Variants in DENND2B observed in about 807,000 individuals in gnomAD.
DENND2B encodes the protein DENN domain-containing protein 2B.
In DENND2B, 32 loss-of-function variants were observed where a neutral mutation model predicts 116.0. The ratio of observed to expected loss-of-function variants is 0.28; its 90% CI spans 0.21 to 0.37. The LOEUF (loss-of-function observed/expected upper bound fraction) is 0.37, where lower values mean the gene tolerates loss of function less well. DENND2B is among the 10% of genes least tolerant of loss of function. The probability of loss-of-function intolerance (pLI) is 1.00; values close to 1 mark genes in which losing one functional copy is unlikely to be tolerated. For missense variants in DENND2B, 1,276 were observed against 1,477.7 expected (o/e 0.86, Z 2.24); for synonymous variants, 588 against 583.9 (o/e 1.01, Z -0.10).
chr11:8,787,727 C>A (rs907182395), intron 1 of DENND2B, among the ~76,000 whole-genome samples: 1 of 152,200 alleles, frequency 6.6e-6, no homozygotes, highest in Non-Finnish European at 1.5e-5. Context: ...GCCAGGTAGG[C>A]CTTCTTTTCT....
chr11:8,721,695 T>C (rs1190675809), intron 4 of DENND2B, among the ~76,000 whole-genome samples: 2 of 152,228 alleles, frequency 1.3e-5, no homozygotes, highest in Non-Finnish European at 2.9e-5. Context: ...GCACCTTCCC[T>C]GGGCTGCACC....
intron 1 of DENND2B, among the ~76,000 whole-genome samples, chr11:8,796,217 T>C (rs2059799569): frequency 1.3e-5 from 2 of 152,128 alleles, no homozygotes; most frequent in Non-Finnish European, 2.9e-5. Flanking sequence ...TCACTACTGA[T>C]AGAATCCAAA....
At chr11:8,886,969 C>T (rs778137452) in intron 1 of DENND2B, among the ~76,000 whole-genome samples, 14 of 152,110 alleles carry the variant, frequency 9.2e-5, no homozygotes, top group Non-Finnish European at 1.5e-4. Flanking sequence ...GCTGGGACTA[C>T]AGGCATGTGC....
chr11:8,699,754 G>A (rs746547678), intron 14 of DENND2B: 11 of 433,114 alleles, frequency 2.5e-5, no homozygotes, highest in Non-Finnish European at 5.0e-5. Flanking sequence ...AATGCAGATC[G>A]TGGGTACCCT....
At chr11:8,807,184 G>A (rs182217282) in intron 1 of DENND2B, among the ~76,000 whole-genome samples, 8 of 152,310 alleles carry the variant, frequency 5.3e-5, no homozygotes, top group Admixed American at 3.9e-4. Context: ...TAGGCCCAAC[G>A]ATGGAAATGG....
chr11:8,811,149 C>G, upstream of DENND2B: 1 of 396,392 alleles, frequency 2.5e-6, no homozygotes, highest in Non-Finnish European at 4.4e-6. Context: ...GATGCGCTGC[C>G]TTGACTTGTT....
chr11:8,804,149 T>A (rs1354654425), intron 1 of DENND2B, among the ~76,000 whole-genome samples: 1 of 152,182 alleles, frequency 6.6e-6, no homozygotes, highest in Non-Finnish European at 1.5e-5. Flanking sequence ...GCCTCTCCAG[T>A]GTGGGCGGCT....
At chr11:8,701,323 T>C (rs867767389) in intron 14 of DENND2B, among the ~76,000 whole-genome samples, 5 of 93,744 alleles carry the variant, frequency 5.3e-5, no homozygotes, top group African/African-American at 1.7e-4. Context: ...ATTAAAAGGC[T>C]AGGATGGGAA....
At chr11:8,700,111 G>C (rs1203564872) in intron 14 of DENND2B, 4 of 415,098 alleles carry the variant, frequency 9.6e-6, no homozygotes, top group African/African-American at 8.3e-5. Flanking sequence ...TGAATTAGAG[G>C]GTAGAACCTT....
Position 8,693,822 on chromosome 11 carries a change from A to G in DENND2B, c.*274T>C, listed in dbSNP as rs1209172976. ...ACGAGCACCCAGCGAAACTTCATCC[A>G]TGCTCTGGCAGGACAGGAAAGCACC... On this transcript the variant is annotated 3_prime_UTR_variant, in exon 20 of 20. Coordinates refer to ENST00000313726, the MANE Select transcript of DENND2B (RefSeq NM_213618.2). The G allele has an allele frequency of 2.8e-6, 1 of 356,456 alleles. No homozygotes were observed. Among genetic ancestry groups the G allele is most frequent in the Non-Finnish European group, 5.1e-6 (1 of 196,172 alleles). 22.1% of individuals were successfully genotyped at this position (356,456 alleles called of 1,614,324 possible).
At chr11:8,855,219 A>T (rs191245602) in intron 3 of DENND2B, among the ~76,000 whole-genome samples, 9 of 151,866 alleles carry the variant, frequency 5.9e-5, no homozygotes, top group Non-Finnish European at 1.2e-4. Context: ...GAGAAGAGAG[A>T]AAAGAAAAGA....
In DENND2B at chr11:8,867,573, C is replaced by CTTTTTTTT. The variant is rs33990941; in HGVS notation, c.-250+3373_-250+3380dup. 3.6e-4 allele frequency among the ~76,000 whole-genome samples: 32 copies of CTTTTTTTT among 89,246 alleles called. 1 individual carries two copies. The highest frequency in any genetic ancestry group is 7.5e-4 in the East Asian group (2 of 2,662). 58.5% of individuals were successfully genotyped at this position (89,246 alleles called of 152,430 possible). ...ACTAGTACCAAGTTTTAAAATTCAGCTTTTTTTTTTTTTTTTTTTTTTTGA... is the reference window on the plus strand; with the variant it reads ...ACTAGTACCAAGTTTTAAAATTCAGCTTTTTTTTTTTTTTTTTTTTTTTTTTTTTTTGA... On this transcript the variant is annotated intron_variant, in intron 2 of 6. Transcript: ENST00000524757.
chr11:8,713,853 C>T (rs2044230128), intron 8 of DENND2B, 145 bp downstream of exon 8: 2 of 824,208 alleles, frequency 2.4e-6, no homozygotes, highest in Non-Finnish European at 4.0e-6. Flanking sequence ...GCTCCCTGCT[C>T]TATTGTTCTG....
rs142482225 is a variant in DENND2B, at chr11:8,878,910, A to C, written c.-156+2100T>G. Reference sequence around the variant, plus strand: ...AGAAAGAAATGGGAGGTAACTGCTTAGTGGGTATGGGAGCTCCTTGAGAGT... The same window carrying C: ...AGAAAGAAATGGGAGGTAACTGCTTCGTGGGTATGGGAGCTCCTTGAGAGT... On this transcript the variant is annotated intron_variant, in intron 2 of 22. Coordinates refer to the DENND2B transcript ENST00000534127. Among the ~76,000 whole-genome samples the C allele has an allele frequency of 1.2e-3, 177 of 152,302 alleles. 1 individual carries two copies. In the East Asian group the frequency reaches 0.028, roughly 24 times the overall value.
At chr11:8,698,083 G>A in intron 16 of DENND2B, 1 of 289,564 alleles carries the variant, frequency 3.5e-6, no homozygotes, top group Admixed American at 5.3e-5. Context: ...CGAGGCTGCA[G>A]TGTCATGACT....
intron 5 of DENND2B, 69 bp from the exon 6 acceptor site, chr11:8,715,887 G>T (rs916846798): frequency 2.1e-6 from 3 of 1,443,054 alleles, no homozygotes; most frequent in African/African-American, 2.8e-5. Flanking sequence ...TGTCTGCTGG[G>T]ATGGGGACAC....
At chr11:8,819,907 A>G (rs1291330375) in intron 4 of DENND2B, among the ~76,000 whole-genome samples, 4 of 152,252 alleles carry the variant, frequency 2.6e-5, no homozygotes, top group Admixed American at 6.5e-5. Flanking sequence ...AGTTTTGATC[A>G]TTGTACTGTA....
At chr11:8,748,787 C>G (rs1228245869) in intron 2 of DENND2B, among the ~76,000 whole-genome samples, 1 of 152,196 alleles carries the variant, frequency 6.6e-6, no homozygotes, top group African/African-American at 2.4e-5. Context: ...AAAGGAAGAG[C>G]AATTTCTGAA....
At chr11:8,756,906 C>T in intron 1 of DENND2B, 1 of 396,216 alleles carries the variant, frequency 2.5e-6, no homozygotes, top group Non-Finnish European at 5.0e-6. Context: ...AAAGTCTAGG[C>T]AGAAACTGCA....
Sources: gnomAD v4.1 joint callset for allele counts (sites outside exome capture counted in the v4.1 genomes callset) on GRCh38, gnomAD v4.1.1 for gene constraint, MANE v1.5 for transcripts, NCBI Gene and HGNC (gene_info 2026-07-23, HGNC 2026-07-21) for gene names.